SLAIN1: variants seen among roughly 807,000 people sequenced by gnomAD.
The protein encoded by SLAIN1 is SLAIN family member 1.
SLAIN1 carries 17 observed loss-of-function variants against 55.4 expected under a neutral mutation model. That is an observed-to-expected ratio of 0.31 (90% CI 0.21 to 0.46). The LOEUF (loss-of-function observed/expected upper bound fraction) is 0.46, where lower values mean the gene tolerates loss of function less well. Among genes scored for constraint, SLAIN1 ranks in the 20% least tolerant of loss-of-function variants. The pLI is 1.00. For synonymous variants in SLAIN1, 348 were observed against 337.4 expected (o/e 1.03, Z -0.35); for missense variants, 682 against 785.1 (o/e 0.87, Z 1.57).
rs1227704251 is a variant in SLAIN1, at chr13:77,699,063, T to C, written c.626+524T>C. 3 of 1,530,818 alleles carry C rather than the reference T, an allele frequency of 2.0e-6. No individual in the cohort carries two copies. The Admixed American group carries it at 5.9e-5, about 30-fold the overall frequency. The allele number at this position is 1,530,818 out of a possible 1,614,324, so 94.8% of individuals were successfully genotyped here. A position where few individuals can be genotyped will look rare whatever the true frequency, so the allele number is the denominator to read the frequency against. On this transcript the variant is annotated intron_variant, in intron 1 of 6. Transcript: ENST00000418532. ...GGATCTCTCTTTATAGAGAGGTTCG[T>C]TCTTGCTGTTTGAATTTTGCAGTCG...
Position 77,746,521 on chromosome 13 carries a change from G to A in SLAIN1, c.924G>A (p.Arg308=). The A allele has an allele frequency of 6.2e-7, 1 of 1,602,014 alleles. No homozygotes were observed. The highest frequency in any genetic ancestry group is 1.1e-5 in the South Asian group (1 of 90,224). ...IMARLQEESL[R]QDYASTSASV... ...CTATTTGTTATTTTATAGGTCTCAG[G>A]CAAGATTATGCTTCTACTTCAGCAT... is the stretch of plus-strand genomic sequence containing the variant. Residue 308 remains arginine, a synonymous_variant, in exon 4 of 7, where the codon AGG becomes AGA. Transcript: ENST00000418532.
At chr13:77,734,442 G>A (rs1220198416) in intron 2 of SLAIN1, among the ~76,000 whole-genome samples, 1 of 152,090 alleles carries the variant, frequency 6.6e-6, no homozygotes, top group Non-Finnish European at 1.5e-5. Flanking sequence ...TTATTTTCCA[G>A]AACTCTGGTA....
At chr13:77,717,648 A>G (rs1377806417) in intron 1 of SLAIN1, among the ~76,000 whole-genome samples, 1 of 152,148 alleles carries the variant, frequency 6.6e-6, no homozygotes, top group Non-Finnish European at 1.5e-5. Context: ...TCTGTTGGCT[A>G]GGATTGTGTC....
intron 1 of SLAIN1, among the ~76,000 whole-genome samples, chr13:77,707,708 T>C (rs1407168582): frequency 6.6e-6 from 1 of 152,172 alleles, no homozygotes; most frequent in Admixed American, 6.5e-5. Context: ...TCCTAGGAGA[T>C]GTAAGCAAGG....
At chr13:77,745,180 C>CT (rs1873729095) in intron 3 of SLAIN1, among the ~76,000 whole-genome samples, 1 of 151,844 alleles carries the variant, frequency 6.6e-6, no homozygotes, top group Non-Finnish European at 1.5e-5. Flanking sequence ...ATCTTTGAAC[C>CT]TGTAGGTAAT....
intron 2 of SLAIN1, among the ~76,000 whole-genome samples, chr13:77,737,813 AC>A (rs147702412): frequency 0.063 from 9,549 of 152,036 alleles, 512 homozygotes; most frequent in African/African-American, 0.12. Flanking sequence ...ATCATATTCC[AC>A]CTTACTTGCC....
At chr13:77,719,697 T>G in intron 2 of SLAIN1, 26 bp downstream of exon 2, 1 of 1,609,314 alleles carries the variant, frequency 6.2e-7, no homozygotes, top group Non-Finnish European at 8.5e-7. Flanking sequence ...TGCATTTACA[T>G]TCTCCAACTC....
At chr13:77,728,309 A>G (rs1458451225) in intron 2 of SLAIN1, among the ~76,000 whole-genome samples, 1 of 152,180 alleles carries the variant, frequency 6.6e-6, no homozygotes, top group Non-Finnish European at 1.5e-5. Context: ...ATGTTAAATA[A>G]CCAAATAATG....
At chr13:77,751,525 G>C (rs1874210134) in intron 4 of SLAIN1, among the ~76,000 whole-genome samples, 1 of 152,198 alleles carries the variant, frequency 6.6e-6, no homozygotes, top group South Asian at 2.1e-4. Context: ...CTGGTATTTA[G>C]TGTAAACACA....
At chr13:77,739,754 C>T (rs1873315223) in intron 2 of SLAIN1, among the ~76,000 whole-genome samples, 1 of 152,038 alleles carries the variant, frequency 6.6e-6, no homozygotes, top group Admixed American at 6.6e-5. Flanking sequence ...GTTCCTTAAA[C>T]CCATTCTGTC....
intron 3 of SLAIN1, among the ~76,000 whole-genome samples, chr13:77,745,102 T>G (rs982658833): frequency 1.3e-5 from 2 of 152,166 alleles, no homozygotes; most frequent in African/African-American, 4.8e-5. Flanking sequence ...CAAGAGGGTC[T>G]CGAAGCTGGA....
intron 2 of SLAIN1, among the ~76,000 whole-genome samples, chr13:77,722,228 A>T (rs901596995): frequency 6.6e-6 from 1 of 152,086 alleles, no homozygotes; most frequent in Non-Finnish European, 1.5e-5. Flanking sequence ...CTTTTACTTA[A>T]TTTGTATATA....
chr13:77,736,619 C>T (rs1024207557), intron 2 of SLAIN1, among the ~76,000 whole-genome samples: 7 of 152,062 alleles, frequency 4.6e-5, no homozygotes, highest in Non-Finnish European at 1.0e-4. Context: ...CACCTTATAT[C>T]TGCCTGACCT....
At chr13:77,709,593 C>G (rs2091126150) in intron 1 of SLAIN1, among the ~76,000 whole-genome samples, 1 of 152,066 alleles carries the variant, frequency 6.6e-6, no homozygotes, top group Non-Finnish European at 1.5e-5. Flanking sequence ...GAGTGGGGGC[C>G]AATATTCAAC....
At chr13:77,735,626 G>A (rs1018954178) in intron 2 of SLAIN1, among the ~76,000 whole-genome samples, 6 of 151,956 alleles carry the variant, frequency 3.9e-5, no homozygotes, top group African/African-American at 1.5e-4. Context: ...TCAATTCTCA[G>A]TGTATATAAA....
At chr13:77,717,251 CT>C (rs2091216820) in intron 1 of SLAIN1, among the ~76,000 whole-genome samples, 1 of 152,032 alleles carries the variant, frequency 6.6e-6, no homozygotes, top group African/African-American at 2.4e-5. Context: ...CTTTTTACAT[CT>C]GTGTTCATGT....
At chr13:77,747,929 A>T (rs973834259) in intron 4 of SLAIN1, among the ~76,000 whole-genome samples, 1 of 152,256 alleles carries the variant, frequency 6.6e-6, no homozygotes, top group South Asian at 2.1e-4. Context: ...TTTTGTACTA[A>T]TGATCACCTG....
intron 4 of SLAIN1, 71 bp from the exon 5 acceptor site, chr13:77,753,131 AT>A: frequency 7.4e-7 from 1 of 1,355,054 alleles, no homozygotes; most frequent in Non-Finnish European, 9.9e-7. Context: ...GACTTTTGTT[AT>A]TTGCTTTTGA....
At chr13:77,723,153 C>T (rs574243785) in intron 2 of SLAIN1, among the ~76,000 whole-genome samples, 1 of 152,258 alleles carries the variant, frequency 6.6e-6, no homozygotes, top group South Asian at 2.1e-4. Context: ...AATTTATCCC[C>T]AAACTCTCTT....
Sources: allele counts gnomAD v4.1 joint callset (sites outside exome capture counted in the v4.1 genomes callset), GRCh38; gene constraint gnomAD v4.1.1; transcripts MANE v1.5; gene names NCBI Gene and HGNC (gene_info 2026-07-23, HGNC 2026-07-21).